PTGES2: variants seen among roughly 807,000 people sequenced by gnomAD.
The protein encoded by PTGES2 is GATE-binding factor 1.
Under a neutral mutation model 44.5 loss-of-function variants are expected in PTGES2, and 35 were observed. The observed-to-expected ratio is 0.79, with a 90% CI of 0.60 to 1.04. PTGES2 has a LOEUF of 1.04. Ranked by LOEUF, PTGES2 falls within the 50% of genes least tolerant of loss-of-function variation. The probability of loss-of-function intolerance (pLI) is 0.00; values close to 1 mark genes in which losing one functional copy is unlikely to be tolerated. For synonymous variants in PTGES2, 221 were observed against 227.5 expected (o/e 0.97, Z 0.26); for missense variants, 517 against 521.4 (o/e 0.99, Z 0.08).
In PTGES2 at chr9:128,120,930, T is replaced by G. The variant is rs1588066727; in HGVS notation, c.*215A>C. 2 of 575,132 alleles carry G rather than the reference T, an allele frequency of 3.5e-6. No homozygotes were observed. Among genetic ancestry groups the G allele is most frequent in the South Asian group, 2.4e-5 (1 of 41,852 alleles). The allele number at this position is 575,132 out of a possible 1,614,324, so 35.6% of individuals were successfully genotyped here. ...GCAGGGAGGCAGGGACAGGGAGGGGTCGCCCCAGGGCAGTGGCAGGGCTGG... is the reference window on the plus strand; with the variant it reads ...GCAGGGAGGCAGGGACAGGGAGGGGGCGCCCCAGGGCAGTGGCAGGGCTGG... On this transcript the variant is annotated 3_prime_UTR_variant, in exon 7 of 7. Transcript: ENST00000338961.
rs1316624389 is a variant in PTGES2 at position 128,123,193 on chromosome 9, C to A, written c.687-59G>T. 6.5e-7 allele frequency: 1 copy of A among 1,544,758 alleles called. No individual in the cohort carries two copies. Among genetic ancestry groups the A allele is most frequent in the Non-Finnish European group, 8.8e-7 (1 of 1,135,944 alleles). ...CCCGGGCTGTGTTGGGAGCAGGCTG[C>A]ATTCTCTAGAACATACCCACTGCAC... On this transcript the variant is annotated intron_variant, in intron 4 of 6. Transcript: ENST00000338961. This position sits in a 1 kb window ranked among gnomAD's most constrained non-coding sequence, Gnocchi z 4.4.
intron 1 of PTGES2, among the ~76,000 whole-genome samples, chr9:128,127,084 C>A (rs1834647526): frequency 6.8e-6 from 1 of 148,096 alleles, no homozygotes; most frequent in South Asian, 2.1e-4. Flanking sequence ...GAGGCTGAGG[C>A]AGGAGGATCC....
chr9:128,123,887 C>T lies in PTGES2; in HGVS notation c.537-36G>A. 1 of 1,597,540 alleles carries T rather than the reference C, an allele frequency of 6.3e-7. No homozygotes were observed. The highest frequency in any genetic ancestry group is 8.6e-7 in the Non-Finnish European group (1 of 1,167,166). Reference sequence around the variant, plus strand: ...AGCCACAATATCACCCCAACTCCTTCCCCCTCCGTCCCCTGTGGCCGACCA... The same window carrying T: ...AGCCACAATATCACCCCAACTCCTTTCCCCTCCGTCCCCTGTGGCCGACCA... On this transcript the variant is annotated intron_variant, in intron 3 of 6. Transcript: ENST00000338961. The surrounding 1 kb of genome is among the most constrained non-coding windows in gnomAD (Gnocchi z 4.4).
In PTGES2 at chr9:128,121,024, G is replaced by A; in HGVS notation, c.*121C>T. ...TAGAAGCGAGAGGGCTGGTGGGGGT[G>A]CGTGGACAAGGGGCAGAATGATCCT... On this transcript the variant is annotated 3_prime_UTR_variant, in exon 7 of 7. Coordinates refer to ENST00000338961, the MANE Select transcript of PTGES2 (RefSeq NM_025072.7). The A allele has an allele frequency of 1.6e-6, 2 of 1,272,920 alleles. No individual in the cohort carries two copies. Among genetic ancestry groups the A allele is most frequent in the Admixed American group, 2.5e-5 (1 of 40,760 alleles). The allele number at this position is 1,272,920 out of a possible 1,614,324, so 78.9% of individuals were successfully genotyped here. A position where few individuals can be genotyped will look rare whatever the true frequency, so the allele number is the denominator to read the frequency against.
At position 128,127,723 on chromosome 9, in the gene PTGES2, C is replaced by A; in HGVS notation, c.-6G>T. The A allele has an allele frequency of 7.9e-7, 1 of 1,258,056 alleles. No individual in the cohort carries two copies. The highest frequency in any genetic ancestry group is 1.0e-6 in the Non-Finnish European group (1 of 1,002,274). The allele number at this position is 1,258,056 out of a possible 1,614,324, so 77.9% of individuals were successfully genotyped here. On this transcript the variant is annotated 5_prime_UTR_variant, in exon 1 of 7. Transcript: ENST00000338961. ...ACCCGCGCAGCCGGGTCCATGTTCG[C>A]TCCGCCGGCGCCGCGGGCGGGCGCG...
upstream of PTGES2, chr9:128,128,039 C>G (rs1390485816): frequency 7.9e-6 from 3 of 379,278 alleles, no homozygotes; most frequent in East Asian, 1.2e-4. Flanking sequence ...GCGGCGTGGC[C>G]GTCTGTAACA....
At chr9:128,126,580 T>A (rs1464722616) in intron 1 of PTGES2, among the ~76,000 whole-genome samples, 2 of 152,270 alleles carry the variant, frequency 1.3e-5, no homozygotes, top group East Asian at 3.9e-4. Context: ...CGGTAGAGGC[T>A]GGGCTCCGTG....
chr9:128,127,679 A>G lies in PTGES2; in HGVS notation c.39T>C (p.Pro13=). ...PAARVVRALW[P]GGCALAWRLG... ...GCCTCCAGGCCAAGGCGCACCCACC[A>G]GGCCACAGCGCCCGCACCACCCGCG... The change falls in exon 1 of 7, where the codon CCT becomes CCC. Residue 13 remains proline (P), a synonymous_variant. Coordinates refer to ENST00000338961, the MANE Select transcript of PTGES2 (RefSeq NM_025072.7). 1 of 1,298,004 alleles carries G rather than the reference A, an allele frequency of 7.7e-7. No homozygotes were observed. Among genetic ancestry groups the G allele is most frequent in the South Asian group, 2.3e-5 (1 of 43,654 alleles). The allele number at this position is 1,298,004 out of a possible 1,614,324, so 80.4% of individuals were successfully genotyped here. A position where few individuals can be genotyped will look rare whatever the true frequency, so the allele number is the denominator to read the frequency against.
chr9:128,124,048 C>T (rs1482138435), intron 3 of PTGES2, among the ~76,000 whole-genome samples, 197 bp from the exon 4 acceptor site: 2 of 151,356 alleles, frequency 1.3e-5, no homozygotes, highest in Non-Finnish European at 2.9e-5. Context: ...AAGTAGGGGG[C>T]TTGGAGGAGG....
At position 128,122,364 on chromosome 9, in the gene PTGES2, A is replaced by C. The variant is rs533006395; in HGVS notation, c.1003T>G (p.Leu335Val). The stretch of plus-strand genomic sequence containing the variant: ...CCACCTGCCACCACCACACTCACCA[A>C]ATCAGCGAGATTCGGCTTCTGGCCC... Reference protein sequence around the residue: ...MGGQKPNLADLAVYGVLRVME... With the variant: ...MGGQKPNLADVAVYGVLRVME... Residue 335 changes from leucine (L) to valine (V), a missense_variant and splice_region_variant, in exon 6 of 7, where the codon TTG becomes GTG. Physicochemically the swap from Leu to Val is conservative, Grantham distance 32. Coordinates refer to ENST00000338961, the MANE Select transcript of PTGES2 (RefSeq NM_025072.7). 1.2e-6 allele frequency: 2 copies of C among 1,613,540 alleles called. No homozygotes were observed. The highest frequency in any genetic ancestry group is 1.7e-6 in the Non-Finnish European group (2 of 1,179,470).
intron 6 of PTGES2, among the ~76,000 whole-genome samples, 161 bp from the exon 7 acceptor site, chr9:128,121,434 G>A (rs944097762): frequency 1.3e-5 from 2 of 152,196 alleles, no homozygotes; most frequent in Non-Finnish European, 2.9e-5. Context: ...AACAAAGCAT[G>A]TGGGGTGGCT....
Position 128,125,262 on chromosome 9 carries a change from G to A in PTGES2, c.459C>T (p.Ala153=), listed in dbSNP as rs567539836. The A allele has an allele frequency of 4.4e-6, 7 of 1,594,680 alleles. No homozygotes were observed. The African/African-American group carries it at 6.7e-5, about 15-fold the overall frequency. The change falls in exon 2 of 7, where the codon GCC becomes GCT. Residue 153 remains alanine, a synonymous_variant. Transcript: ENST00000338961. ...GGCTCACCGAGCTTTCTCCTTCCTGGGCCACCAGGATGGGCACCTTTCTGT... is the reference window on the plus strand; with the variant it reads ...GGCTCACCGAGCTTTCTCCTTCCTGAGCCACCAGGATGGGCACCTTTCTGT... The part of the protein sequence containing the change: ...SSYRKVPILV[A]QEGESSQQLN...
chr9:128,127,383 G>C, intron 1 of PTGES2, 56 bp downstream of exon 1: 1 of 1,308,974 alleles, frequency 7.6e-7, no homozygotes, highest in Admixed American at 3.3e-5. Flanking sequence ...GGGTTCCCAG[G>C]AGTCCCGAGT....
intron 6 of PTGES2, among the ~76,000 whole-genome samples, chr9:128,122,024 G>C (rs537154203): frequency 6.6e-6 from 1 of 152,084 alleles, no homozygotes; most frequent in Non-Finnish European, 1.5e-5. Context: ...CTGGAGCACC[G>C]GACCCAGCCC....
Position 128,127,451 on chromosome 9 carries a change from G to A in PTGES2, c.267C>T (p.Arg89=). 7.2e-7 allele frequency: 1 copy of A among 1,387,480 alleles called. No individual in the cohort carries two copies. The highest frequency in any genetic ancestry group is 9.4e-7 in the Non-Finnish European group (1 of 1,065,902). 85.9% of individuals were successfully genotyped at this position (1,387,480 alleles called of 1,614,324 possible). ...HLRAQDLHAE[R]SAAQLSLSSR... is the part of the protein sequence containing the mutation. ...GGCCAGGCCTTACCTGCGCGGCTGA[G>A]CGCTCTGCGTGGAGGTCCTGGGCGC... The change falls in exon 1 of 7, where the codon CGC becomes CGT. Residue 89 remains arginine (R), a synonymous_variant. Transcript: ENST00000338961.
chr9:128,127,542 A>T lies in PTGES2; in HGVS notation c.176T>A (p.Leu59Gln), dbSNP rs1233389194. 3 of 1,293,200 alleles carry T rather than the reference A, an allele frequency of 2.3e-6. No individual in the cohort carries two copies. Among genetic ancestry groups the T allele is most frequent in the Admixed American group, 8.0e-5 (2 of 24,922 alleles). The allele number at this position is 1,293,200 out of a possible 1,614,324, so 80.1% of individuals were successfully genotyped here. The change falls in exon 1 of 7, where the codon CTG (leucine) becomes CAG (glutamine). Residue 59 changes from leucine (L) to glutamine (Q), a missense_variant. Coordinates refer to ENST00000338961, the MANE Select transcript of PTGES2 (RefSeq NM_025072.7). ...CCCCAGGGCCAGCGCCGCAGCTCCC[A>T]GCAGCCGCGGGCTCCCCTTACGAGC... ...AAARKGSPRL[L>Q]GAAALALGGA...
At position 128,124,236 on chromosome 9, in the gene PTGES2, A is replaced by G. The variant is rs77865860; in HGVS notation, c.536+256T>C. 1,093 of 401,676 alleles carry G rather than the reference A, an allele frequency of 2.7e-3. 13 individuals carry two copies. The highest frequency in any genetic ancestry group is 0.021 in the African/African-American group (1,031 of 49,658). The allele number at this position is 401,676 out of a possible 1,614,324, so 24.9% of individuals were successfully genotyped here. A position where few individuals can be genotyped will look rare whatever the true frequency, so the allele number is the denominator to read the frequency against. On this transcript the variant is annotated intron_variant, in intron 3 of 6. Coordinates refer to ENST00000338961, the MANE Select transcript of PTGES2 (RefSeq NM_025072.7). Reference sequence around the variant, plus strand: ...GTAGCTGGGACTACAGGCACTCGCCACTATGCCTGGCTAATTTTTGTATTT... The same window carrying G: ...GTAGCTGGGACTACAGGCACTCGCCGCTATGCCTGGCTAATTTTTGTATTT...
At chr9:128,122,767 G>C in intron 5 of PTGES2, 167 bp downstream of exon 5, 2 of 722,968 alleles carry the variant, frequency 2.8e-6, no homozygotes. Flanking sequence ...CAGGAGCTCT[G>C]GGTCCAAGTC....
In PTGES2 at chr9:128,123,915, C is replaced by G; in HGVS notation, c.537-64G>C. On this transcript the variant is annotated intron_variant, in intron 3 of 6. Coordinates refer to ENST00000338961, the MANE Select transcript of PTGES2 (RefSeq NM_025072.7). The surrounding 1 kb of genome is among the most constrained non-coding windows in gnomAD (Gnocchi z 4.4). Reference sequence around the variant, plus strand: ...CCTCCGTCCCCTGTGGCCGACCAACCCCGCTGCCCCAGCCTCAGAGTGGAG... The same window carrying G: ...CCTCCGTCCCCTGTGGCCGACCAACGCCGCTGCCCCAGCCTCAGAGTGGAG... The G allele has an allele frequency of 6.4e-7, 1 of 1,569,716 alleles. No homozygotes were observed. The highest frequency in any genetic ancestry group is 8.7e-7 in the Non-Finnish European group (1 of 1,147,792).
Sources: gnomAD v4.1 joint callset for allele counts (sites outside exome capture counted in the v4.1 genomes callset) on GRCh38, gnomAD v4.1.1 for gene constraint, Gnocchi (gnomAD v3.1) non-coding constraint, MANE v1.5 for transcripts, NCBI Gene and HGNC (gene_info 2026-07-23, HGNC 2026-07-21) for gene names.